The following CTNNA2 variants were observed in gnomAD, a reference collection of about 807,000 sequenced individuals.
The protein encoded by CTNNA2 is catenin alpha 2.
Under a neutral mutation model 101.0 loss-of-function variants are expected in CTNNA2, and 42 were observed. The ratio of observed to expected loss-of-function variants is 0.42; its 90% confidence interval spans 0.32 to 0.54. The LOEUF (loss-of-function observed/expected upper bound fraction) is 0.54. CTNNA2 is among the 20% of genes least tolerant of loss of function. The pLI, the probability that CTNNA2 is intolerant of heterozygous loss-of-function variation, is 0.14. For synonymous variants in CTNNA2, 450 were observed against 456.4 expected (o/e 0.99, Z 0.18); for missense variants, 871 against 1,223.1 (o/e 0.71, Z 4.29).
intron 17 of CTNNA2, chr2:80,613,078 G>GAGTAGT (rs1180076118): frequency 8.8e-6 from 1 of 114,154 alleles, no homozygotes; most frequent in African/African-American, 3.5e-5. Context: ...AATGAAATGA[G>GAGTAGT]TAGTTACCTT....
At chr2:79,495,653 A>G (rs1377950334) in intron 4 of CTNNA2, among the ~76,000 whole-genome samples, 1 of 152,186 alleles carries the variant, frequency 6.6e-6, no homozygotes, top group African/African-American at 2.4e-5. Flanking sequence ...TTCGATACAC[A>G]GGTGTTCACA....
chr2:79,711,518 ATAAC>A (rs930100446), intron 2 of CTNNA2, among the ~76,000 whole-genome samples: 1 of 152,206 alleles, frequency 6.6e-6, no homozygotes, highest in African/African-American at 2.4e-5. Context: ...GCAGGTCTTC[ATAAC>A]TTTCCCTAAT....
intron 2 of CTNNA2, among the ~76,000 whole-genome samples, chr2:79,294,232 AGAAGAAGAG>A (rs1317980535): frequency 2.6e-5 from 4 of 151,066 alleles, no homozygotes; most frequent in African/African-American, 4.9e-5. Flanking sequence ...AAGAAGAAGA[AGAAGAAGAG>A]GAGGAGGAGG....
intron 7 of CTNNA2, among the ~76,000 whole-genome samples, chr2:79,913,195 C>G (rs185133872): frequency 6.6e-6 from 1 of 151,918 alleles, no homozygotes; most frequent in Admixed American, 6.6e-5. Flanking sequence ...AGTTAGAGGA[C>G]GCTGGGTAGT....
chr2:79,724,131 A>G (rs1022964150), intron 2 of CTNNA2, among the ~76,000 whole-genome samples: 3 of 152,116 alleles, frequency 2.0e-5, no homozygotes, highest in African/African-American at 7.2e-5. Context: ...AATGTGGAGC[A>G]TCATAGTGCC....
intron 7 of CTNNA2, among the ~76,000 whole-genome samples, chr2:80,276,829 G>T (rs1449179452): frequency 6.6e-6 from 1 of 152,020 alleles, no homozygotes; most frequent in Non-Finnish European, 1.5e-5. Flanking sequence ...CCCCAGTTAG[G>T]CCCAGACTCC....
chr2:79,943,485 T>G (rs1215843149), intron 7 of CTNNA2, among the ~76,000 whole-genome samples: 2 of 152,184 alleles, frequency 1.3e-5, no homozygotes, highest in Admixed American at 1.3e-4. Context: ...GTTTCAGCAC[T>G]GACATCCATA....
At chr2:80,531,986 G>T (rs942009768) in intron 9 of CTNNA2, among the ~76,000 whole-genome samples, 3 of 152,156 alleles carry the variant, frequency 2.0e-5, no homozygotes, top group African/African-American at 7.2e-5. Flanking sequence ...ACCCAAATCT[G>T]CCATTGTCAT....
At chr2:80,393,393 ATTCTT>A in intron 8 of CTNNA2, 102 bp downstream of exon 8, 2 of 824,708 alleles carry the variant, frequency 2.4e-6, no homozygotes, top group Non-Finnish European at 1.9e-6. Flanking sequence ...TGAGGTTGTT[ATTCTT>A]TATAACATTT....
chr2:79,464,050 A>G (rs1573177836), intron 4 of CTNNA2, among the ~76,000 whole-genome samples: 1 of 151,878 alleles, frequency 6.6e-6, no homozygotes, highest in African/African-American at 2.4e-5. Flanking sequence ...TTGGTTACAT[A>G]TGTATAATGT....
chr2:80,185,687 A>G (rs1490298507), intron 7 of CTNNA2, among the ~76,000 whole-genome samples: 1 of 152,140 alleles, frequency 6.6e-6, no homozygotes, highest in Non-Finnish European at 1.5e-5. Context: ...CTTTTTGTTA[A>G]AGAGCGGCAT....
intron 9 of CTNNA2, among the ~76,000 whole-genome samples, chr2:80,491,377 G>A (rs936229252): frequency 2.6e-5 from 4 of 152,212 alleles, no homozygotes; most frequent in African/African-American, 9.6e-5. Context: ...CACCGTCTTT[G>A]AAGACAGATA....
At chr2:79,275,380 T>C (rs1675185729) in intron 2 of CTNNA2, among the ~76,000 whole-genome samples, 6 of 151,950 alleles carry the variant, frequency 3.9e-5, no homozygotes. Flanking sequence ...AAATACAGAT[T>C]AATTTCCTCA....
At chr2:79,921,464 C>T (rs1816610) in intron 7 of CTNNA2, among the ~76,000 whole-genome samples, 137,423 of 152,192 alleles carry the variant, frequency 0.9, 62,204 homozygotes, top group African/African-American at 0.95. Context: ...TCCTTAGAAA[C>T]AGATGAGCAA....
chr2:80,198,004 G>A (rs972947157), intron 7 of CTNNA2, among the ~76,000 whole-genome samples: 2 of 152,094 alleles, frequency 1.3e-5, no homozygotes, highest in Non-Finnish European at 2.9e-5. Context: ...TATGACTGTG[G>A]CAATAGTCAC....
At chr2:80,307,651 T>C (rs1412316763) in intron 7 of CTNNA2, among the ~76,000 whole-genome samples, 3 of 152,238 alleles carry the variant, frequency 2.0e-5, no homozygotes, top group Admixed American at 2.0e-4. Flanking sequence ...GCAAACTTCT[T>C]CTTCAAATGT....
intron 8 of CTNNA2, among the ~76,000 whole-genome samples, chr2:80,411,932 C>G (rs1272674189): frequency 6.6e-6 from 1 of 152,162 alleles, no homozygotes; most frequent in Non-Finnish European, 1.5e-5. Context: ...TGCTTTTCTG[C>G]TCTTGCCACC....
chr2:80,286,779 G>A (rs1674801725), intron 7 of CTNNA2, among the ~76,000 whole-genome samples: 1 of 152,132 alleles, frequency 6.6e-6, no homozygotes, highest in Admixed American at 6.5e-5. Context: ...GGAAGACTTT[G>A]CTACACCTGT....
At chr2:80,368,781 A>AAAAAG (rs546355830) in intron 7 of CTNNA2, among the ~76,000 whole-genome samples, 9 of 151,362 alleles carry the variant, frequency 5.9e-5, no homozygotes, top group East Asian at 1.9e-4. Context: ...TAGCAAAAAA[A>AAAAAG]AAAAGAAAAG....
Sources: gnomAD v4.1 joint callset for allele counts (sites outside exome capture counted in the v4.1 genomes callset) on GRCh38, gnomAD v4.1.1 for gene constraint, MANE v1.5 for transcripts, NCBI Gene and HGNC (gene_info 2026-07-23, HGNC 2026-07-21) for gene names.